TMEM184B: variants seen among roughly 807,000 people sequenced by gnomAD.
The protein encoded by TMEM184B is transmembrane protein 184B.
TMEM184B carries 17 observed loss-of-function variants against 41.8 expected under a neutral mutation model. That is an observed-to-expected ratio of 0.41 (90% CI 0.28 to 0.61). The LOEUF is 0.61. Among genes scored for constraint, TMEM184B ranks in the 20% least tolerant of loss-of-function variants. The probability of loss-of-function intolerance (pLI) is 0.34; values close to 1 mark genes in which losing one functional copy is unlikely to be tolerated. For synonymous variants in TMEM184B, 240 were observed against 229.5 expected (o/e 1.05, Z -0.41); for missense variants, 393 against 557.8 (o/e 0.70, Z 2.98).
chr22:38,222,799 A>C, intron 8 of TMEM184B: 1 of 780,542 alleles, frequency 1.3e-6, no homozygotes, highest in Non-Finnish European at 1.6e-6. Context: ...CACACCACAC[A>C]CCCTGTCCCC....
At chr22:38,237,933 C>G (rs2091817546) in intron 3 of TMEM184B, among the ~76,000 whole-genome samples, 1 of 151,950 alleles carries the variant, frequency 6.6e-6, no homozygotes, top group Non-Finnish European at 1.5e-5. Flanking sequence ...TCCCGAGTGG[C>G]TGGAAGTACA....
At chr22:38,247,636 C>T in intron 2 of TMEM184B, 134 bp downstream of exon 2, 4 of 1,153,854 alleles carry the variant, frequency 3.5e-6, no homozygotes, top group East Asian at 2.7e-5. Context: ...AGACTTCTAT[C>T]GAGGGAAGCC....
intron 3 of TMEM184B, 139 bp downstream of exon 3, chr22:38,245,796 C>T (rs1404560877): frequency 3.3e-6 from 3 of 919,226 alleles, no homozygotes; most frequent in Non-Finnish European, 4.8e-6. Context: ...CAATTTGGGA[C>T]AGAAACCCTG....
chr22:38,268,461 A>C (rs1358318934), intron 1 of TMEM184B, among the ~76,000 whole-genome samples: 1 of 151,420 alleles, frequency 6.6e-6, no homozygotes, highest in African/African-American at 2.4e-5. Flanking sequence ...TTCCACAGAG[A>C]CGGAGGCCAA....
Position 38,221,564 on chromosome 22 carries a change from G to A in TMEM184B, c.1129C>T (p.Arg377Cys), listed in dbSNP as rs374954775. Residue 377 changes from arginine (R) to cysteine (C), a missense_variant, in exon 9 of 9, where the codon CGT becomes TGT. By Grantham distance (180) the Arg-to-Cys change is radical. Around this residue, in one of 2 missense-constraint regions of TMEM184B, gnomAD observed 271 missense variants for 434.1 expected, o/e 0.62. Transcript: ENST00000361906. Reference sequence around the variant, plus strand: ...CGGGAGAGGCCGTGGGCGCCACCACGCCAGGTGGGCCCAGGCTCCAGGGTG... The same window carrying A: ...CGGGAGAGGCCGTGGGCGCCACCACACCAGGTGGGCCCAGGCTCCAGGGTG... ...QSTLEPGPTW[R>C]GGAHGLSRSH... The A allele has an allele frequency of 5.0e-6, 8 of 1,614,022 alleles. No homozygotes were observed. The highest frequency in any genetic ancestry group is 2.2e-5 in the South Asian group (2 of 91,084).
At position 38,220,398 on chromosome 22, in the gene TMEM184B, G is replaced by T. The variant is rs1225964593; in HGVS notation, c.*1071C>A. ...TGTGACTAAGGCACAGAAGAGATGG[G>T]CCAGGGGCCAGATGGGGTAGAACAC... On this transcript the variant is annotated 3_prime_UTR_variant, in exon 9 of 9. Coordinates refer to ENST00000361906, the MANE Select transcript of TMEM184B (RefSeq NM_012264.5). 1 of 985,900 alleles carries T rather than the reference G, an allele frequency of 1.0e-6. No homozygotes were observed. Among genetic ancestry groups the T allele is most frequent in the Non-Finnish European group, 1.2e-6 (1 of 830,074 alleles). The allele number at this position is 985,900 out of a possible 1,614,324, so 61.1% of individuals were successfully genotyped here.
intron 3 of TMEM184B, 55 bp downstream of exon 3, chr22:38,245,880 G>A: frequency 2.0e-6 from 3 of 1,470,842 alleles, no homozygotes; most frequent in South Asian, 2.4e-5. Flanking sequence ...TGGGGACAGG[G>A]GCTCCCAGCC....
At position 38,230,666 on chromosome 22, in the gene TMEM184B, C is replaced by A. The variant is rs755912061; in HGVS notation, c.525+3G>T. 8 of 1,609,286 alleles carry A rather than the reference C, an allele frequency of 5.0e-6. No individual in the cohort carries two copies. Among genetic ancestry groups the A allele is most frequent in the Non-Finnish European group, 6.8e-6 (8 of 1,178,026 alleles). ...GAGCTAGGCAGCTGCTGGGGGCACA[C>A]ACCTGTTTGCAGAACCTCAGAAATC... On this transcript the variant is annotated splice_donor_region_variant and intron_variant, in intron 5 of 8. Transcript: ENST00000361906.
At chr22:38,218,449 G>T (rs529533739), downstream of TMEM184B, among the ~76,000 whole-genome samples, 13 of 152,332 alleles carry the variant, frequency 8.5e-5, no homozygotes, top group East Asian at 2.1e-3. Context: ...CTGTGGGGCT[G>T]CAGGTTTTAA....
chr22:38,225,401 C>G lies in TMEM184B; in HGVS notation c.787+23G>C. On this transcript the variant is annotated intron_variant, in intron 7 of 8. Coordinates refer to ENST00000361906, the MANE Select transcript of TMEM184B (RefSeq NM_012264.5). This position sits in a 1 kb window ranked among gnomAD's most constrained non-coding sequence, Gnocchi z 4.4. ...GAGGACAGGGTGGCATGGGCAGCCTCCAGGTGCTGGGAGGGGGCTCACCTT... is the reference window on the plus strand; with the variant it reads ...GAGGACAGGGTGGCATGGGCAGCCTGCAGGTGCTGGGAGGGGGCTCACCTT... 6.5e-7 allele frequency: 1 copy of G among 1,537,670 alleles called. No individual in the cohort carries two copies. Among genetic ancestry groups the G allele is most frequent in the African/African-American group, 1.4e-5 (1 of 71,280 alleles).
chr22:38,228,480 G>A (rs914626423), intron 5 of TMEM184B, among the ~76,000 whole-genome samples: 2 of 152,228 alleles, frequency 1.3e-5, no homozygotes, highest in African/African-American at 4.8e-5. Context: ...CCCTGGACCA[G>A]TCAGCAGTTC....
rs1413222813 is a variant in TMEM184B at position 38,219,555 on chromosome 22, T to C, written c.*1914A>G. The C allele has an allele frequency of 2.0e-6, 2 of 984,006 alleles. No homozygotes were observed. The highest frequency in any genetic ancestry group is 2.4e-6 in the Non-Finnish European group (2 of 829,682). 61.0% of individuals were successfully genotyped at this position (984,006 alleles called of 1,614,324 possible). On this transcript the variant is annotated 3_prime_UTR_variant, in exon 9 of 9. Transcript: ENST00000361906. ...AAAAAAAAAAAGACAAGGTAGGTTA[T>C]GCATCCTAAGGAGGAGGAGGGGATG...
At chr22:38,240,110 T>C (rs1405460061) in intron 3 of TMEM184B, among the ~76,000 whole-genome samples, 3 of 151,984 alleles carry the variant, frequency 2.0e-5, no homozygotes, top group Admixed American at 1.3e-4. Context: ...CCTTCTTATA[T>C]ATAAAAAATA....
chr22:38,272,584 G>C lies in TMEM184B; in HGVS notation c.-59+300C>G, dbSNP rs2092541725. The C allele has an allele frequency of 5.1e-6, 5 of 985,482 alleles. No homozygotes were observed. In the South Asian group the frequency reaches 1.9e-4, roughly 37 times the overall value. The allele number at this position is 985,482 out of a possible 1,614,324, so 61.0% of individuals were successfully genotyped here. On this transcript the variant is annotated intron_variant, in intron 1 of 8. Transcript: ENST00000361906. ...CTTGGTCCATCCGCCTCCCTCTCCC[G>C]GGGCCGCCCCCCGGACAGGTCCGAT...
intron 5 of TMEM184B, among the ~76,000 whole-genome samples, chr22:38,228,282 T>G (rs754206346): frequency 6.6e-6 from 1 of 152,238 alleles, no homozygotes; most frequent in Non-Finnish European, 1.5e-5. Flanking sequence ...GTTCCAGTTA[T>G]GAGCCTAGCA....
intron 3 of TMEM184B, chr22:38,231,817 CTGG>C: frequency 3.7e-6 from 1 of 273,186 alleles, no homozygotes; most frequent in South Asian, 3.8e-5. Context: ...CTACACTGAT[CTGG>C]TGTCTGCACC....
chr22:38,246,762 G>A, intron 2 of TMEM184B: 2 of 1,199,398 alleles, frequency 1.7e-6, no homozygotes, highest in South Asian at 3.0e-5. Flanking sequence ...AGGAAGCAGA[G>A]GAAAAAAGTA....
chr22:38,244,093 G>A (rs902286385), intron 3 of TMEM184B, among the ~76,000 whole-genome samples: 1 of 152,188 alleles, frequency 6.6e-6, no homozygotes, highest in Admixed American at 6.5e-5. Flanking sequence ...GGGGTGGGAA[G>A]GCAGAAATAT....
chr22:38,268,648 T>C (rs970867970), intron 1 of TMEM184B, among the ~76,000 whole-genome samples: 1 of 152,228 alleles, frequency 6.6e-6, no homozygotes, highest in Non-Finnish European at 1.5e-5. Flanking sequence ...AACAACTCCA[T>C]AGACATGAAC....
Sources: gnomAD v4.1 joint callset for allele counts (sites outside exome capture counted in the v4.1 genomes callset) on GRCh38, gnomAD v4.1.1 for gene constraint, gnomAD v4.1.1 regional missense constraint, Gnocchi (gnomAD v3.1) non-coding constraint, MANE v1.5 for transcripts, NCBI Gene and HGNC (gene_info 2026-07-23, HGNC 2026-07-21) for gene names.